Variants in CA10 observed in about 807,000 individuals in gnomAD.
CA10 encodes carbonic anhydrase 10 (inactive).
Under a neutral mutation model 44.2 loss-of-function variants are expected in CA10, and 14 were observed. That is an observed-to-expected ratio of 0.32 (90% CI 0.21 to 0.50). The LOEUF (loss-of-function observed/expected upper bound fraction) is 0.50. CA10 is among the 20% of genes least tolerant of loss of function. The probability of loss-of-function intolerance (pLI) is 0.99; values close to 1 mark genes in which losing one functional copy is unlikely to be tolerated. For synonymous variants in CA10, 159 were observed against 141.6 expected (o/e 1.12, Z -0.87); for missense variants, 350 against 409.7 (o/e 0.85, Z 1.26).
intron 1 of CA10, among the ~76,000 whole-genome samples, chr17:52,075,487 C>A (rs930669669): frequency 1.3e-5 from 2 of 152,162 alleles, no homozygotes; most frequent in South Asian, 4.1e-4. Context: ...CTTTGTAAGA[C>A]ATGCTTTGTG....
chr17:51,685,089 C>A (rs1014025158), intron 4 of CA10, among the ~76,000 whole-genome samples: 7 of 152,188 alleles, frequency 4.6e-5, no homozygotes, highest in African/African-American at 1.7e-4. Context: ...TGAGGACTCT[C>A]ATGCTAAAAA....
intron 2 of CA10, among the ~76,000 whole-genome samples, chr17:52,010,770 TTAA>T (rs770835599): frequency 6.6e-6 from 1 of 150,920 alleles, no homozygotes; most frequent in Non-Finnish European, 1.5e-5. Flanking sequence ...CATGAACTTA[TTAA>T]TATTATTTAT....
chr17:52,132,174 A>G (rs957670751), intron 1 of CA10, among the ~76,000 whole-genome samples: 1 of 152,104 alleles, frequency 6.6e-6, no homozygotes, highest in African/African-American at 2.4e-5. Flanking sequence ...AAAGTATAAT[A>G]ATAATAAAAA....
intron 2 of CA10, among the ~76,000 whole-genome samples, chr17:52,069,547 T>C (rs1041362647): frequency 2.0e-5 from 3 of 152,234 alleles, no homozygotes; most frequent in Non-Finnish European, 2.9e-5. Flanking sequence ...ATAAACCCTG[T>C]TGGAGCCCTT....
chr17:51,913,297 A>G (rs1341467785), intron 3 of CA10, among the ~76,000 whole-genome samples: 1 of 152,184 alleles, frequency 6.6e-6, no homozygotes, highest in Non-Finnish European at 1.5e-5. Flanking sequence ...GAGGAAATGC[A>G]CCAATTTTTG....
At chr17:51,951,334 T>C (rs1364962016) in intron 2 of CA10, among the ~76,000 whole-genome samples, 1 of 152,132 alleles carries the variant, frequency 6.6e-6, no homozygotes, top group Non-Finnish European at 1.5e-5. Context: ...ATAAGGACCA[T>C]AAAAACTGCC....
chr17:51,686,260 G>A (rs1207835189), intron 4 of CA10, among the ~76,000 whole-genome samples: 2 of 152,142 alleles, frequency 1.3e-5, no homozygotes, highest in Admixed American at 1.3e-4. Context: ...CCAGCTATGT[G>A]GACCTGTGAG....
chr17:51,908,391 A>T (rs1286076514), intron 3 of CA10, among the ~76,000 whole-genome samples: 1 of 152,174 alleles, frequency 6.6e-6, no homozygotes, highest in African/African-American at 2.4e-5. Flanking sequence ...CTCTCCCTTG[A>T]AGTCAAATGA....
chr17:52,112,937 T>C (rs1988817009), intron 1 of CA10, among the ~76,000 whole-genome samples: 1 of 152,194 alleles, frequency 6.6e-6, no homozygotes, highest in South Asian at 2.1e-4. Context: ...GGAAGCCATT[T>C]CTTTTCTTTT....
chr17:51,691,080 T>C (rs936719039), intron 4 of CA10, among the ~76,000 whole-genome samples: 44 of 152,336 alleles, frequency 2.9e-4, no homozygotes, highest in Admixed American at 6.5e-4. Flanking sequence ...CCATATCCTT[T>C]GGGCATATAT....
intron 4 of CA10, among the ~76,000 whole-genome samples, chr17:51,671,468 G>A (rs1270199818): frequency 6.6e-6 from 1 of 152,006 alleles, no homozygotes; most frequent in African/African-American, 2.4e-5. Flanking sequence ...GCAGTGGTGC[G>A]ATCTTGGCTC....
chr17:51,739,219 C>T (rs574089813), intron 4 of CA10, among the ~76,000 whole-genome samples: 7 of 152,062 alleles, frequency 4.6e-5, no homozygotes, highest in East Asian at 1.9e-4. Flanking sequence ...ATTCCTGCAG[C>T]GTTGGAAATG....
intron 4 of CA10, among the ~76,000 whole-genome samples, chr17:51,675,265 A>G (rs547370230): frequency 2.7e-4 from 41 of 152,302 alleles, no homozygotes; most frequent in African/African-American, 9.6e-4. Context: ...GCCCTTTAAA[A>G]TTCCCAGTTC....
At chr17:52,036,677 C>T (rs1986628334) in intron 2 of CA10, among the ~76,000 whole-genome samples, 1 of 152,140 alleles carries the variant, frequency 6.6e-6, no homozygotes. Context: ...AGTTATTTAA[C>T]CTGAAAACCT....
chr17:51,932,993 C>T (rs1044825919), intron 2 of CA10, among the ~76,000 whole-genome samples: 1 of 152,118 alleles, frequency 6.6e-6, no homozygotes, highest in Non-Finnish European at 1.5e-5. Context: ...ATTAGGGCAT[C>T]CTCCTAGCAG....
At chr17:51,811,223 A>G (rs963253634) in intron 3 of CA10, among the ~76,000 whole-genome samples, 1 of 152,156 alleles carries the variant, frequency 6.6e-6, no homozygotes, top group Admixed American at 6.5e-5. Context: ...GAATGCAAAC[A>G]AAAAGCATGA....
intron 4 of CA10, among the ~76,000 whole-genome samples, chr17:51,689,893 C>T (rs561190496): frequency 1.3e-5 from 2 of 151,946 alleles, no homozygotes; most frequent in African/African-American, 4.8e-5. Context: ...GGCTAATTAA[C>T]ATATGCATTA....
intron 2 of CA10, among the ~76,000 whole-genome samples, chr17:52,062,507 C>T (rs1598194202): frequency 6.6e-6 from 1 of 152,184 alleles, no homozygotes. Context: ...TTGTAGCCCC[C>T]TCCCATCATA....
chr17:51,729,390 C>A (rs1447815292), intron 4 of CA10, among the ~76,000 whole-genome samples: 1 of 152,010 alleles, frequency 6.6e-6, no homozygotes, highest in Admixed American at 6.5e-5. Flanking sequence ...CAAACAAACA[C>A]ACAGTGAGTG....
Sources: gnomAD v4.1 joint callset for allele counts (sites outside exome capture counted in the v4.1 genomes callset) on GRCh38, gnomAD v4.1.1 for gene constraint, MANE v1.5 for transcripts, NCBI Gene and HGNC (gene_info 2026-07-23, HGNC 2026-07-21) for gene names.